JUP: variants seen among roughly 807,000 people sequenced by gnomAD.
JUP encodes the protein catenin (cadherin-associated protein), gamma 80kDa.
JUP carries 28 observed loss-of-function variants against 71.1 expected under a neutral mutation model. The ratio of observed to expected loss-of-function variants is 0.39; its 90% CI spans 0.29 to 0.54. The LOEUF (loss-of-function observed/expected upper bound fraction) is 0.54. JUP is among the 20% of genes least tolerant of loss of function. JUP has a pLI of 0.62. For missense variants in JUP, 869 were observed against 1,030.1 expected (o/e 0.84, Z 2.14); for synonymous variants, 401 against 438.9 (o/e 0.91, Z 1.08).
intron 5 of JUP, among the ~76,000 whole-genome samples, chr17:41,766,620 C>T (rs552369959): frequency 1.3e-5 from 2 of 151,944 alleles, no homozygotes; most frequent in East Asian, 1.9e-4. Flanking sequence ...TTTATGAGGC[C>T]GAGGCAGATG....
chr17:41,756,101 A>G, intron 13 of JUP, 74 bp downstream of exon 13: 3 of 1,474,994 alleles, frequency 2.0e-6, no homozygotes, highest in South Asian at 2.3e-5. Flanking sequence ...CGGAGACATA[A>G]TATTGTCCCC....
At chr17:41,767,891 T>C (rs1382081691) in intron 4 of JUP, among the ~76,000 whole-genome samples, 1 of 152,170 alleles carries the variant, frequency 6.6e-6, no homozygotes, top group Non-Finnish European at 1.5e-5. Context: ...AGGCCACATA[T>C]TAGAGAGGCC....
At chr17:41,773,111 G>A in intron 1 of JUP, 2 of 523,694 alleles carry the variant, frequency 3.8e-6, no homozygotes, top group African/African-American at 2.1e-5. Flanking sequence ...ACCAAGGTCT[G>A]TAGTCTTTGC....
chr17:41,761,452 C>G (rs191814253), intron 8 of JUP, among the ~76,000 whole-genome samples: 2 of 151,476 alleles, frequency 1.3e-5, no homozygotes, highest in Admixed American at 1.3e-4. Context: ...TGAGGACAAC[C>G]CTCTCGTCTA....
Position 41,755,421 on chromosome 17 carries a change from G to A in JUP, c.*323C>T. The A allele has an allele frequency of 2.4e-6, 1 of 412,196 alleles. No homozygotes were observed. The highest frequency in any genetic ancestry group is 4.3e-6 in the Non-Finnish European group (1 of 233,948). 25.5% of individuals were successfully genotyped at this position (412,196 alleles called of 1,614,324 possible). A position where few individuals can be genotyped will look rare whatever the true frequency, so the allele number is the denominator to read the frequency against. On this transcript the variant is annotated 3_prime_UTR_variant, in exon 14 of 14. Transcript: ENST00000393931. ...CGCCTGCACGGAGAGCCTCTCAGATGAGGAACCGCACCTGTTAGGGGAGCG... is the reference window on the plus strand; with the variant it reads ...CGCCTGCACGGAGAGCCTCTCAGATAAGGAACCGCACCTGTTAGGGGAGCG...
Position 41,771,855 on chromosome 17 carries a change from C to A in JUP, c.-1G>T, listed in dbSNP as rs371404126. 10 of 1,609,010 alleles carry A rather than the reference C, an allele frequency of 6.2e-6. No homozygotes were observed. The highest frequency in any genetic ancestry group is 1.3e-5 in the African/African-American group (1 of 74,802). On this transcript the variant is annotated 5_prime_UTR_variant, in exon 2 of 14. Coordinates refer to ENST00000393931, the MANE Select transcript of JUP (RefSeq NM_002230.4). The stretch of plus-strand genomic sequence containing the variant: ...GCTCCATCAGGTTCATCACCTCCAT[C>A]GTGGCTACTGGGGGCACAAAGGAGG...
intron 1 of JUP, among the ~76,000 whole-genome samples, chr17:41,775,589 G>A (rs782359274): frequency 5.3e-4 from 81 of 152,324 alleles, no homozygotes; most frequent in African/African-American, 1.7e-3. Context: ...AGAGACAGAC[G>A]CAGGCCCTGC....
Position 41,755,826 on chromosome 17 carries a change from T to A in JUP, c.2156A>T (p.Asp719Val). The A allele has an allele frequency of 6.2e-7, 1 of 1,613,434 alleles. No individual in the cohort carries two copies. The highest frequency in any genetic ancestry group is 8.5e-7 in the Non-Finnish European group (1 of 1,179,714). ...GTCGATGGGGTAGTCTCCATCCATG[T>A]CCATGTGCATCTCCAGCGGGTCAAG... ...VPLDPLEMHM[D>V]MDGDYPIDTY... Residue 719 changes from aspartate (D) to valine (V), a missense_variant, in exon 14 of 14, where the codon GAC becomes GTC. Transcript: ENST00000393931.
intron 1 of JUP, among the ~76,000 whole-genome samples, chr17:41,779,396 T>G (rs55669720): frequency 6.8e-6 from 1 of 146,640 alleles, no homozygotes; most frequent in Non-Finnish European, 1.5e-5. Context: ...GGCACAATCT[T>G]GGCTCACTGC....
At chr17:41,765,189 T>C in intron 5 of JUP, 122 bp from the exon 6 acceptor site, 1 of 955,566 alleles carries the variant, frequency 1.0e-6, no homozygotes. Context: ...AGTTCGTTTT[T>C]TTCTTTTAAT....
rs1217318761 is a variant in JUP at position 41,763,113 on chromosome 17, A to G, written c.1367T>C (p.Val456Ala). Residue 456 changes from valine to alanine, a missense_variant, in exon 8 of 14, where the codon GTC becomes GCC. Val to Ala is a moderately conservative substitution (Grantham distance 64). Transcript: ENST00000393931. ...GCTAGTGAGGTGGCGCAGAGCGCAG[A>G]CGGCAGGCTCCGTGATGTCGTCCTT... ...GDKDDITEPA[V>A]CALRHLTSRH... 25 of 1,614,070 alleles carry G rather than the reference A, an allele frequency of 1.5e-5. No homozygotes were observed. Among genetic ancestry groups the G allele is most frequent in the Non-Finnish European group, 2.1e-5 (25 of 1,180,030 alleles).
At chr17:41,758,064 C>A in intron 10 of JUP, 1 of 547,032 alleles carries the variant, frequency 1.8e-6, no homozygotes, top group South Asian at 2.6e-5. Flanking sequence ...TGTTATGGTA[C>A]TTGCACATAT....
At chr17:41,771,066 G>A (rs1916571115) in intron 2 of JUP, among the ~76,000 whole-genome samples, 1 of 152,318 alleles carries the variant, frequency 6.6e-6, no homozygotes, top group African/African-American at 2.4e-5. Flanking sequence ...GTCTCACTCT[G>A]TCGCCCAGGC....
intron 12 of JUP, 73 bp from the exon 13 acceptor site, chr17:41,756,287 C>T: frequency 2.0e-6 from 3 of 1,471,974 alleles, no homozygotes; most frequent in East Asian, 2.3e-5. Context: ...AGCTGGTGGG[C>T]AGGGAGAGAT....
chr17:41,769,302 CACA>C, intron 3 of JUP, 95 bp from the exon 4 acceptor site: 1 of 1,549,134 alleles, frequency 6.5e-7, no homozygotes, highest in South Asian at 1.1e-5. Flanking sequence ...AGACTCATCA[CACA>C]CGGGAGAGTC....
intron 8 of JUP, among the ~76,000 whole-genome samples, chr17:41,759,695 C>G (rs1178990553): frequency 2.0e-5 from 3 of 152,142 alleles, no homozygotes; most frequent in Admixed American, 2.0e-4. Context: ...CAGAGCCTCT[C>G]AAGGTGTCAT....
rs199935213 is a variant in JUP, at chr17:41,756,162, G to A, written c.2086+13C>T. On this transcript the variant is annotated intron_variant, in intron 13 of 13. Transcript: ENST00000393931. Reference sequence around the variant, plus strand: ...GGATCTCCAGGGTCCTGAAGAGCCCGGCACACACTTACCATCTCCATAGGG... The same window carrying A: ...GGATCTCCAGGGTCCTGAAGAGCCCAGCACACACTTACCATCTCCATAGGG... The A allele has an allele frequency of 7.9e-5, 128 of 1,613,064 alleles. No individual in the cohort carries two copies. Among genetic ancestry groups the A allele is most frequent in the East Asian group, 7.4e-4 (33 of 44,878 alleles).
At chr17:41,785,094 C>T (rs558303258) in intron 1 of JUP, 32 of 152,250 alleles carry the variant, frequency 2.1e-4, no homozygotes, top group African/African-American at 6.7e-4. Flanking sequence ...GTCTCACTTT[C>T]CCTGTCAAAT....
In JUP at chr17:41,758,427, C is replaced by T. The variant is rs781828085; in HGVS notation, c.1745G>A (p.Arg582Gln). The T allele has an allele frequency of 1.5e-5, 25 of 1,613,558 alleles. No individual in the cohort carries two copies. The highest frequency in any genetic ancestry group is 2.2e-5 in the South Asian group (2 of 91,068). ...RDPMNRMEIF[R>Q]LNTIPLFVQL... ...CACAAACAGGGGAATGGTGTTGAGC[C>T]GGAAGATCTCCATGCGGTTCATGGG... Residue 582 changes from arginine to glutamine, a missense_variant, in exon 10 of 14, where the codon CGG becomes CAG. By Grantham distance (43) the Arg-to-Gln change is conservative. Transcript: ENST00000393931.
Sources: gnomAD v4.1 joint callset for allele counts (sites outside exome capture counted in the v4.1 genomes callset) on GRCh38, gnomAD v4.1.1 for gene constraint, MANE v1.5 for transcripts, NCBI Gene and HGNC (gene_info 2026-07-23, HGNC 2026-07-21) for gene names.